The following CNTNAP2 variants were observed in gnomAD, a reference collection of about 807,000 sequenced individuals.
CNTNAP2 encodes contactin associated protein 2, also known as contactin-associated protein-like 2.
Under a neutral mutation model 155.2 loss-of-function variants are expected in CNTNAP2, and 98 were observed. The observed-to-expected ratio is 0.63, with a 90% confidence interval of 0.54 to 0.75. CNTNAP2 has a LOEUF of 0.75. Among genes scored for constraint, CNTNAP2 ranks in the 30% least tolerant of loss-of-function variants. The pLI is 0.00. For synonymous variants in CNTNAP2, 651 were observed against 631.2 expected, an observed-to-expected ratio of 1.03 and a Z score of -0.47; for missense variants, 1,727 against 1,688.1, an observed-to-expected ratio of 1.02 and a Z score of -0.40.
At chr7:147,436,168 T>C (rs957244466) in intron 10 of CNTNAP2, among the ~76,000 whole-genome samples, 4 of 152,180 alleles carry the variant, frequency 2.6e-5, no homozygotes, top group African/African-American at 9.7e-5. Flanking sequence ...CTTATTTCAT[T>C]ATTTAATTAA....
At chr7:147,305,393 G>A (rs1056717114) in intron 9 of CNTNAP2, among the ~76,000 whole-genome samples, 3 of 152,160 alleles carry the variant, frequency 2.0e-5, no homozygotes, top group African/African-American at 7.2e-5. Context: ...TTGGCTGCCT[G>A]AAAATTTCTT....
chr7:148,102,208 C>A (rs1311698068), intron 15 of CNTNAP2, among the ~76,000 whole-genome samples: 1 of 152,200 alleles, frequency 6.6e-6, no homozygotes, highest in Non-Finnish European at 1.5e-5. Flanking sequence ...TTAACTCCCA[C>A]TTATAAGTGA....
intron 11 of CNTNAP2, among the ~76,000 whole-genome samples, chr7:147,490,122 A>T (rs1798580207): frequency 1.3e-5 from 2 of 152,230 alleles, no homozygotes. Flanking sequence ...ATATTTTTGC[A>T]GATCTTTTTA....
intron 15 of CNTNAP2, among the ~76,000 whole-genome samples, chr7:148,081,081 G>A (rs1241145556): frequency 4.6e-5 from 7 of 152,156 alleles, no homozygotes; most frequent in Admixed American, 2.0e-4. Context: ...AGGATAAGAC[G>A]CACAGACTTC....
intron 1 of CNTNAP2, among the ~76,000 whole-genome samples, chr7:146,706,216 C>G (rs1200999154): frequency 6.6e-6 from 1 of 152,092 alleles, no homozygotes; most frequent in Non-Finnish European, 1.5e-5. Context: ...TAACCTTTTT[C>G]TCTACCATTG....
intron 1 of CNTNAP2, among the ~76,000 whole-genome samples, chr7:146,638,393 T>G (rs1028798685): frequency 3.3e-5 from 5 of 151,794 alleles, no homozygotes; most frequent in African/African-American, 2.4e-5. Flanking sequence ...TCACTGGATA[T>G]CTCATTTGGT....
intron 15 of CNTNAP2, among the ~76,000 whole-genome samples, chr7:148,010,670 T>C (rs929101988): frequency 3.9e-5 from 6 of 151,958 alleles, no homozygotes; most frequent in Admixed American, 1.3e-4. Context: ...GGTTTTTTTT[T>C]TTTTATTAGA....
intron 3 of CNTNAP2, among the ~76,000 whole-genome samples, chr7:146,879,762 C>A (rs1245492321): frequency 2.6e-5 from 4 of 151,972 alleles, no homozygotes; most frequent in Admixed American, 2.6e-4. Flanking sequence ...TGTTATTTTT[C>A]TTTATAATAA....
intron 12 of CNTNAP2, among the ~76,000 whole-genome samples, chr7:147,629,164 G>A (rs1005502837): frequency 6.6e-6 from 1 of 152,040 alleles, no homozygotes; most frequent in Non-Finnish European, 1.5e-5. Flanking sequence ...CACTTTGGGA[G>A]GCTGAGGTGG....
intron 8 of CNTNAP2, among the ~76,000 whole-genome samples, chr7:147,242,583 T>A (rs1803961695): frequency 2.0e-5 from 3 of 152,308 alleles, no homozygotes; most frequent in East Asian, 3.9e-4. Context: ...GCCAGCTTTT[T>A]AAAAACTGGT....
chr7:146,470,762 G>A (rs534911175), intron 1 of CNTNAP2, among the ~76,000 whole-genome samples: 266 of 152,026 alleles, frequency 1.7e-3, no homozygotes, highest in Admixed American at 4.1e-3. Context: ...TAGATACAGG[G>A]TTTCACCATG....
chr7:146,809,198 G>A (rs941561971), intron 2 of CNTNAP2, among the ~76,000 whole-genome samples: 11 of 152,114 alleles, frequency 7.2e-5, no homozygotes, highest in Admixed American at 4.6e-4. Flanking sequence ...AGGAGTATAA[G>A]CATTCCCTTT....
At chr7:146,797,340 T>A (rs1172226101) in intron 2 of CNTNAP2, among the ~76,000 whole-genome samples, 1 of 152,036 alleles carries the variant, frequency 6.6e-6, no homozygotes, top group Non-Finnish European at 1.5e-5. Context: ...CAAGGGAAAG[T>A]GATGGAGAAG....
rs569548389 is a variant in CNTNAP2 at position 146,151,495 on chromosome 7, G to A, written c.97+34522G>A. Among the ~76,000 whole-genome samples the A allele has an allele frequency of 1.1e-3, 157 of 149,178 alleles. 1 individual carries two copies. The highest frequency in any genetic ancestry group is 3.5e-3 in the Middle Eastern group (1 of 288). ...ATATAAATGAGATCATGTGGTTTTTGTCTTCCTGTGCCTGGATTATTTCCC... is the reference window on the plus strand; with the variant it reads ...ATATAAATGAGATCATGTGGTTTTTATCTTCCTGTGCCTGGATTATTTCCC... On this transcript the variant is annotated intron_variant, in intron 1 of 23. Transcript: ENST00000361727.
intron 4 of CNTNAP2, among the ~76,000 whole-genome samples, chr7:147,069,032 G>A (rs1024308116): frequency 9.2e-5 from 14 of 152,164 alleles, no homozygotes; most frequent in African/African-American, 9.7e-5. Context: ...TTCACATGGC[G>A]AGAGAGGGAG....
At chr7:147,076,415 C>T (rs577261148) in intron 4 of CNTNAP2, among the ~76,000 whole-genome samples, 45 of 152,280 alleles carry the variant, frequency 3.0e-4, no homozygotes, top group Middle Eastern at 3.4e-3. Flanking sequence ...TGTCTGTTGG[C>T]TGCATAAATG....
At chr7:147,289,172 TACATATTTACAAATAA>T (rs1563147590) in intron 8 of CNTNAP2, among the ~76,000 whole-genome samples, 1 of 152,154 alleles carries the variant, frequency 6.6e-6, no homozygotes, top group Non-Finnish European at 1.5e-5. Context: ...AGGTATTCAA[TACATATTTACAAATAA>T]ACAGAGGATT....
intron 1 of CNTNAP2, among the ~76,000 whole-genome samples, chr7:146,618,814 A>G (rs1434764012): frequency 6.6e-6 from 1 of 152,206 alleles, no homozygotes; most frequent in Non-Finnish European, 1.5e-5. Flanking sequence ...TCACGCCTGT[A>G]ATCCCAGCAC....
chr7:146,715,032 C>T (rs1338002085), intron 1 of CNTNAP2, among the ~76,000 whole-genome samples: 1 of 152,004 alleles, frequency 6.6e-6, no homozygotes, highest in Non-Finnish European at 1.5e-5. Context: ...TATTTTTATA[C>T]TCTAAAACTC....
Sources: allele counts gnomAD v4.1 joint callset (sites outside exome capture counted in the v4.1 genomes callset), GRCh38; gene constraint gnomAD v4.1.1; transcripts MANE v1.5; gene names NCBI Gene and HGNC (gene_info 2026-07-23, HGNC 2026-07-21).